The following AFG1L variants were observed in gnomAD, a reference collection of about 807,000 sequenced individuals.
AFG1L encodes AFG1-like ATPase.
AFG1L carries 53 observed loss-of-function variants against 62.2 expected under a neutral mutation model. The observed-to-expected ratio is 0.85, with a 90% confidence interval of 0.68 to 1.07. AFG1L has a LOEUF of 1.07. AFG1L is among the 50% of genes least tolerant of loss of function. The pLI is 0.00. For synonymous variants in AFG1L, 228 were observed against 210.3 expected (o/e 1.08, Z -0.73); for missense variants, 555 against 590.5 (o/e 0.94, Z 0.62).
chr6:108,422,321 T>C (rs1176629777), intron 7 of AFG1L, among the ~76,000 whole-genome samples: 1 of 151,736 alleles, frequency 6.6e-6, no homozygotes, highest in Non-Finnish European at 1.5e-5. Context: ...GGTGGATTAC[T>C]TGAGCTCAGG....
At chr6:108,430,814 A>G (rs958853587) in intron 7 of AFG1L, among the ~76,000 whole-genome samples, 1 of 152,238 alleles carries the variant, frequency 6.6e-6, no homozygotes, top group Non-Finnish European at 1.5e-5. Flanking sequence ...CATAAGCACT[A>G]TATAGTTCCC....
intron 10 of AFG1L, among the ~76,000 whole-genome samples, chr6:108,498,372 G>T (rs1027496960): frequency 6.6e-6 from 1 of 152,168 alleles, no homozygotes; most frequent in South Asian, 2.1e-4. Context: ...CAATTCTCCA[G>T]TGGGTTTTAA....
chr6:108,366,232 G>T lies in AFG1L; in HGVS notation c.649-1G>T. 2 of 1,579,774 alleles carry T rather than the reference G, an allele frequency of 1.3e-6. No individual in the cohort carries two copies. Among genetic ancestry groups the T allele is most frequent in the Non-Finnish European group, 1.7e-6 (2 of 1,150,542 alleles). On this transcript the variant is annotated splice_acceptor_variant, in intron 5 of 12. Coordinates refer to ENST00000368977, the MANE Select transcript of AFG1L (RefSeq NM_145315.5). LOFTEE classifies it high-confidence loss of function. ...TAAAACAAATGTGTTGTTGTCAATA[G>T]GTCACTGACATTGCTGATGCCATGA...
At chr6:108,386,289 C>T (rs888378409) in intron 6 of AFG1L, among the ~76,000 whole-genome samples, 3 of 151,986 alleles carry the variant, frequency 2.0e-5, no homozygotes, top group African/African-American at 7.2e-5. Flanking sequence ...TGGTGAAACC[C>T]TGTCTCTACC....
intron 6 of AFG1L, among the ~76,000 whole-genome samples, chr6:108,367,624 G>T (rs1401519168): frequency 6.6e-6 from 1 of 152,152 alleles, no homozygotes; most frequent in Non-Finnish European, 1.5e-5. Context: ...AGAAAAAGCA[G>T]ATTTGGTTAG....
At chr6:108,402,412 C>T (rs1007526965) in intron 7 of AFG1L, among the ~76,000 whole-genome samples, 7 of 149,932 alleles carry the variant, frequency 4.7e-5, no homozygotes, top group Admixed American at 1.3e-4. Flanking sequence ...TGCAGTGAGC[C>T]GAGATCACGC....
intron 8 of AFG1L, among the ~76,000 whole-genome samples, chr6:108,458,597 C>T (rs1772337669): frequency 6.6e-6 from 1 of 152,144 alleles, no homozygotes; most frequent in African/African-American, 2.4e-5. Context: ...TATAGACACA[C>T]ACCACCATGC....
intron 6 of AFG1L, among the ~76,000 whole-genome samples, chr6:108,390,732 G>A (rs915330334): frequency 2.6e-5 from 4 of 152,198 alleles, no homozygotes; most frequent in Admixed American, 6.5e-5. Flanking sequence ...TGGAAGCTTC[G>A]TCTCAGAGGG....
Position 108,523,604 on chromosome 6 carries a change from G to A in AFG1L, c.*1179G>A, listed in dbSNP as rs554680563. On this transcript the variant is annotated 3_prime_UTR_variant, in exon 13 of 13. Transcript: ENST00000368977. ...TGAATACAATGGTCAACATAAGTAA[G>A]CTCTTTGAACCTATTTATTTTCTAT... 22 of 152,188 alleles carry A rather than the reference G, an allele frequency of 1.4e-4. No homozygotes were observed. The highest frequency in any genetic ancestry group is 5.8e-4 in the East Asian group (3 of 5,180). 9.4% of individuals were successfully genotyped at this position (152,188 alleles called of 1,614,324 possible).
At chr6:108,383,976 G>A (rs955550436) in intron 6 of AFG1L, among the ~76,000 whole-genome samples, 37 of 151,242 alleles carry the variant, frequency 2.4e-4, no homozygotes, top group African/African-American at 8.8e-4. Flanking sequence ...TATATGTAAG[G>A]CCATAGCCAA....
intron 1 of AFG1L, among the ~76,000 whole-genome samples, chr6:108,306,398 C>T (rs1196363058): frequency 2.0e-5 from 3 of 152,142 alleles, no homozygotes; most frequent in Non-Finnish European, 2.9e-5. Context: ...TAACTTCTCC[C>T]CATTCATCTT....
At chr6:108,484,470 C>G (rs1773445290) in intron 10 of AFG1L, among the ~76,000 whole-genome samples, 1 of 152,138 alleles carries the variant, frequency 6.6e-6, no homozygotes, top group African/African-American at 2.4e-5. Context: ...AATCCTTAAA[C>G]TAAAGAGTCA....
chr6:108,302,994 C>A (rs533336119), intron 1 of AFG1L, among the ~76,000 whole-genome samples: 4 of 152,178 alleles, frequency 2.6e-5, no homozygotes, highest in African/African-American at 9.6e-5. Flanking sequence ...CCCACTGCAA[C>A]CTCCGCCTCC....
chr6:108,382,022 T>C lies in AFG1L; in HGVS notation c.748+15690T>C, dbSNP rs993139016. Among the ~76,000 whole-genome samples, 4 of 138,568 alleles carry C rather than the reference T, an allele frequency of 2.9e-5. No individual in the cohort carries two copies. In the Admixed American group the frequency reaches 3.0e-4, roughly 10 times the overall value. The allele number at this position is 138,568 out of a possible 152,430, so 90.9% of individuals were successfully genotyped here. On this transcript the variant is annotated intron_variant, in intron 6 of 12. Transcript: ENST00000368977. Reference sequence around the variant, plus strand: ...GTTTTTTTTTTTTTTTTTTTTGAGATGGAGCTTTGCTCTTGTTGTCCAGGC... The same window carrying C: ...GTTTTTTTTTTTTTTTTTTTTGAGACGGAGCTTTGCTCTTGTTGTCCAGGC...
At chr6:108,434,227 T>G (rs1473033275) in intron 7 of AFG1L, among the ~76,000 whole-genome samples, 1 of 152,230 alleles carries the variant, frequency 6.6e-6, no homozygotes, top group Non-Finnish European at 1.5e-5. Context: ...TACAGCTCTA[T>G]GCTGATGGCT....
chr6:108,506,054 G>A (rs1311820047), intron 10 of AFG1L, among the ~76,000 whole-genome samples: 1 of 152,070 alleles, frequency 6.6e-6, no homozygotes, highest in Non-Finnish European at 1.5e-5. Context: ...CTGTGGTCAC[G>A]GGTTTTGACT....
intron 10 of AFG1L, among the ~76,000 whole-genome samples, chr6:108,494,431 G>T (rs922037071): frequency 8.0e-5 from 12 of 150,104 alleles, no homozygotes; most frequent in African/African-American, 2.5e-4. Context: ...AGCAAAATAT[G>T]CCCCCCCCAC....
chr6:108,466,800 T>C (rs968632626), intron 8 of AFG1L, among the ~76,000 whole-genome samples: 2 of 149,470 alleles, frequency 1.3e-5, no homozygotes, highest in Non-Finnish European at 3.0e-5. Flanking sequence ...TTAAACTATA[T>C]ATATATATGT....
chr6:108,471,994 T>C (rs949624813), intron 8 of AFG1L, among the ~76,000 whole-genome samples: 5 of 152,160 alleles, frequency 3.3e-5, no homozygotes, highest in Non-Finnish European at 5.9e-5. Flanking sequence ...ATATACACAA[T>C]GGAATATTAT....
Sources: gnomAD v4.1 joint callset for allele counts (sites outside exome capture counted in the v4.1 genomes callset) on GRCh38, gnomAD v4.1.1 for gene constraint, MANE v1.5 for transcripts, NCBI Gene and HGNC (gene_info 2026-07-23, HGNC 2026-07-21) for gene names.